The following LRMDA variants were observed in gnomAD, a reference collection of about 807,000 sequenced individuals.
LRMDA encodes the protein leucine rich melanocyte differentiation associated, also known as leucine-rich melanocyte differentiation-associated protein.
A neutral mutation model predicts 29.8 loss-of-function variants in LRMDA; 18 were observed. The observed-to-expected ratio is 0.60, with a 90% confidence interval of 0.42 to 0.90. The LOEUF is 0.90. Ranked by LOEUF, LRMDA falls within the 40% of genes least tolerant of loss-of-function variation. LRMDA has a pLI of 0.00. For synonymous variants in LRMDA, 125 were observed against 109.4 expected (o/e 1.14, Z -0.89); for missense variants, 273 against 273.9 (o/e 1.00, Z 0.02).
At chr10:75,924,336 T>A (rs1846081700) in intron 2 of LRMDA, among the ~76,000 whole-genome samples, 2 of 152,168 alleles carry the variant, frequency 1.3e-5, no homozygotes, top group Non-Finnish European at 2.9e-5. Flanking sequence ...TAAATTTACA[T>A]GGTTTGGTAG....
intron 2 of LRMDA, among the ~76,000 whole-genome samples, chr10:75,712,146 G>A (rs533501979): frequency 5.3e-5 from 8 of 152,106 alleles, no homozygotes; most frequent in African/African-American, 1.9e-4. Context: ...TGTGGTATGG[G>A]AAGCTGGATT....
chr10:75,453,305 G>A (rs1321416201), intron 2 of LRMDA, among the ~76,000 whole-genome samples: 1 of 152,134 alleles, frequency 6.6e-6, no homozygotes, highest in Non-Finnish European at 1.5e-5. Context: ...CCTAGCTGCT[G>A]GTTTCCTACA....
At chr10:75,805,980 A>G (rs1279498541) in intron 2 of LRMDA, among the ~76,000 whole-genome samples, 3 of 152,150 alleles carry the variant, frequency 2.0e-5, no homozygotes, top group Non-Finnish European at 4.4e-5. Context: ...TGCAGGCTGT[A>G]CAAGCATGAC....
chr10:76,000,388 G>A (rs1847542011), intron 2 of LRMDA, among the ~76,000 whole-genome samples: 1 of 152,198 alleles, frequency 6.6e-6, no homozygotes, highest in South Asian at 2.1e-4. Flanking sequence ...AGGTGGTCGG[G>A]TGGGGTGTGC....
intron 2 of LRMDA, among the ~76,000 whole-genome samples, chr10:75,696,159 G>T (rs1489027522): frequency 1.3e-5 from 2 of 152,200 alleles, no homozygotes; most frequent in African/African-American, 4.8e-5. Flanking sequence ...TGGTTTATCA[G>T]TTAGGTTCAG....
At chr10:75,632,577 A>G (rs1025272626) in intron 2 of LRMDA, among the ~76,000 whole-genome samples, 2 of 152,034 alleles carry the variant, frequency 1.3e-5, no homozygotes, top group African/African-American at 4.8e-5. Context: ...TGCAACTCTC[A>G]GACTCTCACC....
intron 2 of LRMDA, among the ~76,000 whole-genome samples, chr10:75,654,099 G>C (rs4498922): frequency 0.81 from 122,479 of 152,040 alleles, 49,377 homozygotes; most frequent in East Asian, 0.94. Context: ...GCGGAGGGAT[G>C]GGCTAATGTG....
intron 2 of LRMDA, among the ~76,000 whole-genome samples, chr10:76,010,948 A>T (rs546018672): frequency 1.6e-4 from 25 of 152,352 alleles, no homozygotes; most frequent in Non-Finnish European, 3.4e-4. Context: ...AATTCTATTC[A>T]TTGAAAACAG....
intron 2 of LRMDA, among the ~76,000 whole-genome samples, chr10:75,639,823 G>A (rs777704565): frequency 6.6e-6 from 1 of 152,046 alleles, no homozygotes; most frequent in Non-Finnish European, 1.5e-5. Flanking sequence ...GATGTTGATT[G>A]GCTTTGTCCT....
At chr10:75,484,949 T>TA (rs915596376) in intron 2 of LRMDA, among the ~76,000 whole-genome samples, 10 of 152,366 alleles carry the variant, frequency 6.6e-5, no homozygotes, top group Admixed American at 3.9e-4. Flanking sequence ...ATGTTATACT[T>TA]ACATTTGTAA....
intron 2 of LRMDA, among the ~76,000 whole-genome samples, chr10:75,627,905 C>G (rs1033526865): frequency 6.6e-6 from 1 of 152,172 alleles, no homozygotes; most frequent in African/African-American, 2.4e-5. Context: ...ATCATGTTTG[C>G]AATTGCTTGT....
At chr10:75,889,149 G>T (rs1452803381) in intron 2 of LRMDA, among the ~76,000 whole-genome samples, 1 of 152,146 alleles carries the variant, frequency 6.6e-6, no homozygotes, top group Non-Finnish European at 1.5e-5. Context: ...GGAGTTTTGA[G>T]AAACTGAGAC....
chr10:76,316,647 C>A (rs1244600578), intron 5 of LRMDA, among the ~76,000 whole-genome samples: 1 of 152,136 alleles, frequency 6.6e-6, no homozygotes, highest in African/African-American at 2.4e-5. Context: ...TTAAATGAAA[C>A]AATGTTTATA....
intron 2 of LRMDA, among the ~76,000 whole-genome samples, chr10:75,898,575 C>T (rs1845621330): frequency 6.6e-6 from 1 of 151,806 alleles, no homozygotes. Context: ...GATGCTCTAG[C>T]TTCTACTGGA....
intron 5 of LRMDA, among the ~76,000 whole-genome samples, chr10:76,194,285 A>G (rs1223893635): frequency 2.6e-5 from 4 of 152,192 alleles, no homozygotes; most frequent in Admixed American, 2.6e-4. Flanking sequence ...GGAGCATCTC[A>G]ATTGCATCCC....
intron 6 of LRMDA, among the ~76,000 whole-genome samples, chr10:76,462,530 G>T (rs1384462665): frequency 6.6e-6 from 1 of 152,180 alleles, no homozygotes; most frequent in African/African-American, 2.4e-5. Context: ...CTGCTTTGGG[G>T]TTTGGCCGCT....
intron 6 of LRMDA, among the ~76,000 whole-genome samples, chr10:76,536,285 G>T (rs1354942028): frequency 6.6e-6 from 1 of 152,028 alleles, no homozygotes; most frequent in Non-Finnish European, 1.5e-5. Flanking sequence ...TTTTCCCAAT[G>T]GTGTCTCTTG....
intron 6 of LRMDA, among the ~76,000 whole-genome samples, chr10:76,369,369 A>T (rs1415677835): frequency 2.0e-5 from 3 of 152,114 alleles, no homozygotes; most frequent in Non-Finnish European, 4.4e-5. Context: ...TTCATATATG[A>T]TGCTTAGTTT....
At chr10:75,652,211 C>T (rs1259579142) in intron 2 of LRMDA, among the ~76,000 whole-genome samples, 1 of 152,176 alleles carries the variant, frequency 6.6e-6, no homozygotes, top group Non-Finnish European at 1.5e-5. Context: ...CAAAGCAAGT[C>T]CGACATCCCT....
Sources: gnomAD v4.1 joint callset for allele counts (sites outside exome capture counted in the v4.1 genomes callset) on GRCh38, gnomAD v4.1.1 for gene constraint, MANE v1.5 for transcripts, NCBI Gene and HGNC (gene_info 2026-07-23, HGNC 2026-07-21) for gene names.